ZBTB11: variants seen among roughly 807,000 people sequenced by gnomAD.
ZBTB11 encodes zinc finger and BTB domain-containing protein 11.
Under a neutral mutation model 113.1 loss-of-function variants are expected in ZBTB11, and 68 were observed. The ratio of observed to expected loss-of-function variants is 0.60; its 90% CI spans 0.49 to 0.74. The LOEUF (loss-of-function observed/expected upper bound fraction) is 0.74. Among genes scored for constraint, ZBTB11 ranks in the 30% least tolerant of loss-of-function variants. The pLI is 0.00. For synonymous variants in ZBTB11, 518 were observed against 452.6 expected, an observed-to-expected ratio of 1.14 and a Z score of -1.83; for missense variants, 1,104 against 1,279.4, an observed-to-expected ratio of 0.86 and a Z score of 2.09.
Position 101,676,747 on chromosome 3 carries a change from G to C in ZBTB11, c.168C>G (p.Arg56=), listed in dbSNP as rs552569547. 5.0e-5 allele frequency: 80 copies of C among 1,606,720 alleles called. 1 individual carries two copies. The South Asian group carries it at 8.5e-4, about 17-fold the overall frequency. ...TLYYQRRQRH[R]KTFAELEVVL... is the part of the protein sequence containing the mutation. ...CCACCTCCAGCTCCGCGAAGGTCTTGCGGTGCCGCTGCCGCCGCTGGTAAT... is the reference window on the plus strand; with the variant it reads ...CCACCTCCAGCTCCGCGAAGGTCTTCCGGTGCCGCTGCCGCCGCTGGTAAT... Residue 56 remains arginine, a synonymous_variant, in exon 1 of 11, where the codon CGC becomes CGG. Transcript: ENST00000312938.
intron 1 of ZBTB11, 99 bp from the exon 2 acceptor site, chr3:101,672,312 G>T: frequency 1.3e-6 from 1 of 758,450 alleles, no homozygotes; most frequent in Non-Finnish European, 2.1e-6. Flanking sequence ...GTACATATGT[G>T]CAGACATTCA....
At chr3:101,654,043 CTTT>C (rs112555052) in intron 8 of ZBTB11, among the ~76,000 whole-genome samples, 1 of 144,798 alleles carries the variant, frequency 6.9e-6, no homozygotes, top group African/African-American at 2.5e-5. Flanking sequence ...CCTAAAATGA[CTTT>C]TTTTTTTTTT....
chr3:101,656,972 TA>T (rs35777658), intron 6 of ZBTB11, among the ~76,000 whole-genome samples: 51 of 142,750 alleles, frequency 3.6e-4, no homozygotes, highest in Admixed American at 4.2e-4. Flanking sequence ...TGTTTCTACT[TA>T]AAAAAAAAAA....
rs1442112303 is a variant in ZBTB11, at chr3:101,676,968, C to T, written c.-54G>A. ...GTCAGGGACAGGTGAGGAAAACGGCCCGCTACCTACGGGCGGCTGCAGGAG... is the reference window on the plus strand; with the variant it reads ...GTCAGGGACAGGTGAGGAAAACGGCTCGCTACCTACGGGCGGCTGCAGGAG... On this transcript the variant is annotated 5_prime_UTR_variant, in exon 1 of 11. Transcript: ENST00000312938. 33 of 1,492,766 alleles carry T rather than the reference C, an allele frequency of 2.2e-5. No homozygotes were observed. Among genetic ancestry groups the T allele is most frequent in the Non-Finnish European group, 2.8e-5 (31 of 1,121,130 alleles). 92.5% of individuals were successfully genotyped at this position (1,492,766 alleles called of 1,614,324 possible). A position where few individuals can be genotyped will look rare whatever the true frequency, so the allele number is the denominator to read the frequency against.
In ZBTB11 at chr3:101,649,149, C is replaced by T. The variant is rs926868471; in HGVS notation, c.*2017G>A. On this transcript the variant is annotated 3_prime_UTR_variant, in exon 11 of 11. Transcript: ENST00000312938. Reference sequence around the variant, plus strand: ...TTTATATGGATACAGGATAGGAGGGCGTGGTGGGCCAAAAGGCAACATTTG... The same window carrying T: ...TTTATATGGATACAGGATAGGAGGGTGTGGTGGGCCAAAAGGCAACATTTG... 1 of 152,106 alleles carries T rather than the reference C, an allele frequency of 6.6e-6. No homozygotes were observed. Among genetic ancestry groups the T allele is most frequent in the Admixed American group, 6.6e-5 (1 of 15,266 alleles). The allele number at this position is 152,106 out of a possible 1,614,324, so 9.4% of individuals were successfully genotyped here. A position where few individuals can be genotyped will look rare whatever the true frequency, so the allele number is the denominator to read the frequency against.
intron 5 of ZBTB11, among the ~76,000 whole-genome samples, chr3:101,660,803 A>G (rs937530480): frequency 9.2e-5 from 14 of 152,214 alleles, no homozygotes; most frequent in Non-Finnish European, 1.5e-4. Flanking sequence ...GGCCACATAC[A>G]GTACACTGTA....
intron 3 of ZBTB11, among the ~76,000 whole-genome samples, chr3:101,668,338 A>T (rs1384665005): frequency 6.6e-6 from 1 of 152,188 alleles, no homozygotes; most frequent in African/African-American, 2.4e-5. Context: ...GGTATATGTT[A>T]AAAAAGCTAC....
intron 6 of ZBTB11, among the ~76,000 whole-genome samples, chr3:101,656,790 A>G (rs1022993419): frequency 3.9e-4 from 60 of 152,108 alleles, no homozygotes; most frequent in Non-Finnish European, 1.3e-4. Context: ...CAGACCACAC[A>G]TATTGAGTAG....
Position 101,651,002 on chromosome 3 carries a change from T to G in ZBTB11, c.*164A>C. 1.4e-6 allele frequency: 1 copy of G among 715,172 alleles called. No homozygotes were observed. The highest frequency in any genetic ancestry group is 2.8e-5 in the East Asian group (1 of 35,130). The allele number at this position is 715,172 out of a possible 1,614,324, so 44.3% of individuals were successfully genotyped here. A position where few individuals can be genotyped will look rare whatever the true frequency, so the allele number is the denominator to read the frequency against. On this transcript the variant is annotated 3_prime_UTR_variant, in exon 11 of 11. Transcript: ENST00000312938. Reference sequence around the variant, plus strand: ...TCTCTACACTAAACGGACTTTTCTATAGAACCCATTGGCCAGACAAAATGT... The same window carrying G: ...TCTCTACACTAAACGGACTTTTCTAGAGAACCCATTGGCCAGACAAAATGT...
At chr3:101,657,916 T>C (rs747105179) in intron 6 of ZBTB11, among the ~76,000 whole-genome samples, 3 of 152,134 alleles carry the variant, frequency 2.0e-5, no homozygotes, top group Admixed American at 6.5e-5. Flanking sequence ...TGCAGGAGGA[T>C]TGCTTGAAAC....
chr3:101,672,060 T>C lies in ZBTB11; in HGVS notation c.464A>G (p.Asp155Gly), dbSNP rs1314916499. ...SGEESNESED[D>G]LSNFTSSPTT... Reference sequence around the variant, plus strand: ...TGGAGATGAAGTAAAGTTGCTCAGGTCATCTTCCGATTCATTACTTTCTTC... The same window carrying C: ...TGGAGATGAAGTAAAGTTGCTCAGGCCATCTTCCGATTCATTACTTTCTTC... Residue 155 changes from aspartate (D) to glycine (G), a missense_variant, in exon 2 of 11, where the codon GAC (aspartate) becomes GGC (glycine). Asp to Gly is a moderately conservative substitution (Grantham distance 94, BLOSUM62 -1). Coordinates refer to ENST00000312938, the MANE Select transcript of ZBTB11 (RefSeq NM_014415.4). 1 of 1,614,182 alleles carries C rather than the reference T, an allele frequency of 6.2e-7. No individual in the cohort carries two copies. The highest frequency in any genetic ancestry group is 1.7e-5 in the Admixed American group (1 of 60,024).
chr3:101,665,123 A>G lies in ZBTB11; in HGVS notation c.1464T>C (p.Val488=), dbSNP rs1172813883. The change falls in exon 4 of 11, where the codon GTT becomes GTC. Residue 488 remains valine, a synonymous_variant. Transcript: ENST00000312938. ...CAAAGTCTGTCTTTGCTGTTGATGC[A>G]ACTAGATTTTCCTGATCTTTTAAAG... ...DQPLKDQENL[V]ASTAKTDFGP... The G allele has an allele frequency of 6.2e-7, 1 of 1,614,140 alleles. No individual in the cohort carries two copies. Among genetic ancestry groups the G allele is most frequent in the South Asian group, 1.1e-5 (1 of 91,086 alleles).
At chr3:101,652,962 A>G (rs746363518) in intron 8 of ZBTB11, 24 bp from the exon 9 acceptor site, 9 of 1,601,250 alleles carry the variant, frequency 5.6e-6, no homozygotes, top group African/African-American at 2.7e-5. Context: ...CAGTTACCCA[A>G]TTGGATAATC....
At chr3:101,657,830 C>G (rs2108317915) in intron 6 of ZBTB11, among the ~76,000 whole-genome samples, 1 of 151,564 alleles carries the variant, frequency 6.6e-6, no homozygotes, top group African/African-American at 2.4e-5. Flanking sequence ...GGCAGGGTCT[C>G]TATAAAAACT....
At position 101,676,724 on chromosome 3, in the gene ZBTB11, A is replaced by ACCT; in HGVS notation, c.188_190dup (p.Glu63dup). ...CCGGCGTCGCTCCGGCTGCAGCACC[A>ACCT]CCTCCAGCTCCGCGAAGGTCTTGCG... On this transcript the variant is annotated inframe_insertion, in exon 1 of 11. Transcript: ENST00000312938. 6.2e-7 allele frequency: 1 copy of ACCT among 1,600,118 alleles called. No individual in the cohort carries two copies. Among genetic ancestry groups the ACCT allele is most frequent in the Non-Finnish European group, 8.5e-7 (1 of 1,173,366 alleles).
rs546087001 is a variant in ZBTB11 at position 101,674,828 on chromosome 3, GAAAAAGAA to G, written c.310+1769_310+1776del. Among the ~76,000 whole-genome samples, 30 of 151,454 alleles carry G rather than the reference GAAAAAGAA, an allele frequency of 2.0e-4. No individual in the cohort carries two copies. The East Asian group carries it at 5.2e-3, about 26-fold the overall frequency. On this transcript the variant is annotated intron_variant, in intron 1 of 10. Transcript: ENST00000312938. ...GAATCACTCACAGATAATGAACTTA[GAAAAAGAA>G]AAATTCTGAACACAAAATACCACAT...
At position 101,664,597 on chromosome 3, in the gene ZBTB11, G is replaced by A. The variant is rs1299011594; in HGVS notation, c.1741C>T (p.Arg581Ter). The A allele has an allele frequency of 6.8e-6, 11 of 1,613,674 alleles. No homozygotes were observed. Among genetic ancestry groups the A allele is most frequent in the South Asian group, 1.1e-5 (1 of 90,980 alleles). The change falls in exon 5 of 11, where the codon CGA (arginine) becomes TGA (stop). Residue 581 changes from arginine to a stop codon, truncating the protein, a stop_gained. Coordinates refer to ENST00000312938, the MANE Select transcript of ZBTB11 (RefSeq NM_014415.4). LOFTEE classifies it high-confidence loss of function. Reference protein sequence around the residue: ...CGECGMVFQRRYALIMHKLKH... With the variant: ...CGECGMVFQR Reference sequence around the variant, plus strand: ...AGTTTGTGCATTATAAGGGCGTATCGTCTCTGAAAAACCATTCCACATTCC... The same window carrying A: ...AGTTTGTGCATTATAAGGGCGTATCATCTCTGAAAAACCATTCCACATTCC...
intron 4 of ZBTB11, 35 bp from the exon 5 acceptor site, chr3:101,664,749 C>G (rs1292097086): frequency 1.3e-6 from 2 of 1,541,142 alleles, no homozygotes. Flanking sequence ...CTAAGTAAAT[C>G]TACTCAATTT....
Position 101,660,914 on chromosome 3 carries a change from C to A in ZBTB11, c.1801-886G>T, listed in dbSNP as rs116667442. Among the ~76,000 whole-genome samples, 829 of 152,108 alleles carry A rather than the reference C, an allele frequency of 5.5e-3. 5 individuals are homozygous for A. The highest frequency in any genetic ancestry group is 8.3e-3 in the Non-Finnish European group (562 of 68,002). On this transcript the variant is annotated intron_variant, in intron 5 of 10. Transcript: ENST00000312938. ...ACTGGGAGGAGATTTAAAACCCATC[C>A]CCTTTTTGGAAATCTCTGTCAAATC...
Sources: allele counts gnomAD v4.1 joint callset (sites outside exome capture counted in the v4.1 genomes callset), GRCh38; gene constraint gnomAD v4.1.1; transcripts MANE v1.5; gene names NCBI Gene and HGNC (gene_info 2026-07-23, HGNC 2026-07-21).